The following HM13 variants were observed in gnomAD, a reference collection of about 807,000 sequenced individuals.
HM13 encodes signal peptide peptidase.
Under a neutral mutation model 50.0 loss-of-function variants are expected in HM13, and 18 were observed. That is an observed-to-expected ratio of 0.36 (90% CI 0.25 to 0.53). The LOEUF (loss-of-function observed/expected upper bound fraction) is 0.53. Ranked by LOEUF, HM13 falls within the 20% of genes least tolerant of loss-of-function variation. The pLI is 0.90. For missense variants in HM13, 393 were observed against 552.4 expected (o/e 0.71, Z 2.89); for synonymous variants, 197 against 232.6 (o/e 0.85, Z 1.39).
At chr20:31,545,511 T>C (rs977755187) in intron 4 of HM13, among the ~76,000 whole-genome samples, 9 of 152,316 alleles carry the variant, frequency 5.9e-5, no homozygotes, top group Admixed American at 5.9e-4. Context: ...ATGCCTGTAA[T>C]CACAGCAATT....
intron 2 of HM13, among the ~76,000 whole-genome samples, chr20:31,536,155 G>A (rs182769779): frequency 6.6e-6 from 1 of 152,296 alleles, no homozygotes; most frequent in East Asian, 1.9e-4. Context: ...CCTGAGGTCA[G>A]GAGTTCAAGA....
chr20:31,533,224 T>C (rs919667591), intron 2 of HM13, among the ~76,000 whole-genome samples: 2 of 152,254 alleles, frequency 1.3e-5, no homozygotes, highest in Non-Finnish European at 2.9e-5. Flanking sequence ...ACTTCAGGGC[T>C]GAGTGTAGTG....
At chr20:31,554,627 A>G (rs532735929) in intron 7 of HM13, 119 bp from the exon 8 acceptor site, 1 of 723,720 alleles carries the variant, frequency 1.4e-6, no homozygotes, top group Middle Eastern at 3.8e-4. Context: ...GCTTGCAGTG[A>G]GCCGAGATTG....
At chr20:31,555,805 CAAAA>C (rs778841196) in intron 8 of HM13, among the ~76,000 whole-genome samples, 1 of 124,526 alleles carries the variant, frequency 8.0e-6, no homozygotes, top group Non-Finnish European at 1.7e-5. Flanking sequence ...CTCATCTCTA[CAAAA>C]AAAAAAAAAA....
At chr20:31,517,735 G>A (rs1224767423) in intron 1 of HM13, among the ~76,000 whole-genome samples, 1 of 152,008 alleles carries the variant, frequency 6.6e-6, no homozygotes. Flanking sequence ...GTGACAAGAT[G>A]TTCAGGAAGC....
At chr20:31,538,566 C>T (rs1042151356) in intron 3 of HM13, 2 of 1,313,140 alleles carry the variant, frequency 1.5e-6, no homozygotes, top group African/African-American at 1.5e-5. Flanking sequence ...TGAGTAACAC[C>T]AGTACCACCT....
Position 31,548,416 on chromosome 20 carries a change from T to C in HM13, c.455-613T>C, listed in dbSNP as rs116468217. 9.3e-3 allele frequency: 1,747 copies of C among 187,974 alleles called. 28 individuals are homozygous for C. Among genetic ancestry groups the C allele is most frequent in the African/African-American group, 0.039 (1,678 of 42,582 alleles). 11.6% of individuals were successfully genotyped at this position (187,974 alleles called of 1,614,324 possible). ...AAAGCAGCCTCGGGGACTCCGGCCT[T>C]TCCTTGAGACCTGCATCTCTTCCCT... On this transcript the variant is annotated intron_variant, in intron 4 of 12. Transcript: ENST00000398174.
rs865917335 is a variant in HM13 at position 31,566,262 on chromosome 20, C to T, written c.1001C>T (p.Ala334Val). The part of the protein sequence containing the change: ...PACIGFPVLV[A>V]LAKGEVTEMF... ...TGCATCGGTTTTCCTGTCCTGGTGGCGCTGGCCAAGGGAGAAGTGACAGAG... is the reference window on the plus strand; with the variant it reads ...TGCATCGGTTTTCCTGTCCTGGTGGTGCTGGCCAAGGGAGAAGTGACAGAG... Residue 334 changes from alanine (A) to valine (V), a missense_variant, in exon 11 of 13, where the codon GCG becomes GTG. By Grantham distance (64) the Ala-to-Val change is moderately conservative. This residue lies in a region of HM13 where 74 missense variants were observed against 160.4 expected (regional missense o/e 0.46). Transcript: ENST00000398174. 1.9e-6 allele frequency: 3 copies of T among 1,614,036 alleles called. No homozygotes were observed. The highest frequency in any genetic ancestry group is 1.3e-5 in the African/African-American group (1 of 75,030).
chr20:31,546,754 CAAAA>C (rs542344354), intron 4 of HM13, among the ~76,000 whole-genome samples: 8 of 116,786 alleles, frequency 6.9e-5, no homozygotes, highest in Non-Finnish European at 7.5e-5. Flanking sequence ...GACCCTGTCT[CAAAA>C]AAAAAAAAAA....
In HM13 at chr20:31,538,213, C is replaced by G. The variant is rs1983228054; in HGVS notation, c.317C>G (p.Ser106Cys). 6.2e-7 allele frequency: 1 copy of G among 1,613,698 alleles called. No individual in the cohort carries two copies. Among genetic ancestry groups the G allele is most frequent in the Non-Finnish European group, 8.5e-7 (1 of 1,179,580 alleles). The part of the protein sequence containing the change: ...FSQEYINLLL[S>C]MYFFVLGILA... ...CAGGAGTACATCAACCTCCTGCTGT[C>G]CATGTATTTCTTCGTGCTGGGAATC... Residue 106 changes from serine (S) to cysteine (C), a missense_variant, in exon 3 of 13, where the codon TCC (serine) becomes TGC (cysteine). By Grantham distance (112) the Ser-to-Cys change is moderately radical. Around this residue, in one of 3 missense-constraint regions of HM13, gnomAD observed 214 missense variants for 276.1 expected, o/e 0.77. Transcript: ENST00000398174.
intron 7 of HM13, 103 bp downstream of exon 7, chr20:31,550,224 T>A (rs1983968884): frequency 1.2e-6 from 1 of 821,428 alleles, no homozygotes; most frequent in Admixed American, 1.8e-5. Flanking sequence ...CTTCCCCATG[T>A]ACCTCTTCCT....
At chr20:31,564,936 C>T (rs1393475646) in intron 10 of HM13, among the ~76,000 whole-genome samples, 1 of 151,428 alleles carries the variant, frequency 6.6e-6, no homozygotes, top group East Asian at 1.9e-4. Flanking sequence ...GAGGCCAAGG[C>T]AGGCAGATCA....
rs1382767704 is a variant in HM13, at chr20:31,557,859, C to T, written c.809-1752C>T. Reference sequence around the variant, plus strand: ...AGTAGCTGGGATTACAGGCATGTGCCACCATACCCAGCTAATTTTGTATTT... The same window carrying T: ...AGTAGCTGGGATTACAGGCATGTGCTACCATACCCAGCTAATTTTGTATTT... On this transcript the variant is annotated intron_variant, in intron 8 of 12. Transcript: ENST00000398174. Among the ~76,000 whole-genome samples, 5 of 152,282 alleles carry T rather than the reference C, an allele frequency of 3.3e-5. No homozygotes were observed. In the East Asian group the frequency reaches 9.7e-4, roughly 29 times the overall value.
intron 9 of HM13, among the ~76,000 whole-genome samples, chr20:31,560,071 G>C: frequency 6.6e-6 from 1 of 152,196 alleles, no homozygotes; most frequent in East Asian, 1.9e-4. Flanking sequence ...TCTTTTATCA[G>C]CCTAGCGTCA....
At chr20:31,529,358 A>G (rs1299183824) in intron 2 of HM13, among the ~76,000 whole-genome samples, 1 of 151,500 alleles carries the variant, frequency 6.6e-6, no homozygotes, top group African/African-American at 2.4e-5. Context: ...CGATCCTCCC[A>G]CCCTGCCTCC....
At chr20:31,519,470 A>G (rs1025486099) in intron 1 of HM13, among the ~76,000 whole-genome samples, 9 of 152,302 alleles carry the variant, frequency 5.9e-5, no homozygotes, top group Non-Finnish European at 1.3e-4. Flanking sequence ...GTCAGTACAT[A>G]GGGGGTGGGT....
At chr20:31,526,725 G>A (rs1180009669) in intron 1 of HM13, among the ~76,000 whole-genome samples, 1 of 152,034 alleles carries the variant, frequency 6.6e-6, no homozygotes, top group Non-Finnish European at 1.5e-5. Context: ...GTCAAGATTT[G>A]CTTCTCCTCA....
chr20:31,567,803 TACGGTATTTCTTAGAGGTGTTTCC>T, intron 11 of HM13: 1 of 389,026 alleles, frequency 2.6e-6, no homozygotes, highest in Non-Finnish European at 4.6e-6. Flanking sequence ...ATTGGGTTTC[TACGGTATTTCTTAGAGGTGTTTCC>T]ACAGCAGCAC....
intron 9 of HM13, 101 bp from the exon 10 acceptor site, chr20:31,561,533 C>G: frequency 1.2e-6 from 1 of 806,618 alleles, no homozygotes; most frequent in South Asian, 1.4e-5. Context: ...CAGTCACCCC[C>G]CCACAACCTC....
Sources: gnomAD v4.1 joint callset for allele counts (sites outside exome capture counted in the v4.1 genomes callset) on GRCh38, gnomAD v4.1.1 for gene constraint, gnomAD v4.1.1 regional missense constraint, MANE v1.5 for transcripts, NCBI Gene and HGNC (gene_info 2026-07-23, HGNC 2026-07-21) for gene names.